Variants in NYAP2 observed in about 807,000 individuals in gnomAD.
NYAP2 encodes neuronal tyrosine-phosphorylated phosphoinositide-3-kinase adapter 2.
A neutral mutation model predicts 50.4 loss-of-function variants in NYAP2; 23 were observed. The observed-to-expected ratio is 0.46, with a 90% CI of 0.33 to 0.65. NYAP2 has a LOEUF of 0.65. NYAP2 is among the 30% of genes least tolerant of loss of function. The pLI is 0.02. For missense variants in NYAP2, 885 were observed against 861.0 expected, an observed-to-expected ratio of 1.03 and a Z score of -0.35; for synonymous variants, 394 against 365.2, an observed-to-expected ratio of 1.08 and a Z score of -0.90.
At chr2:225,444,934 C>T (rs1689527836) in intron 3 of NYAP2, among the ~76,000 whole-genome samples, 1 of 152,152 alleles carries the variant, frequency 6.6e-6, no homozygotes, top group Non-Finnish European at 1.5e-5. Flanking sequence ...CTTTTCTCCC[C>T]CTTTCCCTTA....
intron 5 of NYAP2, among the ~76,000 whole-genome samples, chr2:225,615,863 C>A (rs1270076458): frequency 6.6e-6 from 1 of 152,190 alleles, no homozygotes; most frequent in South Asian, 2.1e-4. Context: ...AGCAAAGGCC[C>A]TGTGCCTCCA....
chr2:225,402,070 A>T (rs1269547756), intron 2 of NYAP2, among the ~76,000 whole-genome samples: 1 of 152,086 alleles, frequency 6.6e-6, no homozygotes. Flanking sequence ...GTGGTCCACA[A>T]ATGCAGAAAT....
chr2:225,542,654 T>C (rs1034642782), intron 4 of NYAP2, among the ~76,000 whole-genome samples: 2 of 152,170 alleles, frequency 1.3e-5, no homozygotes, highest in African/African-American at 2.4e-5. Context: ...TTTTAATGTG[T>C]TGTTCAATTC....
At chr2:225,567,254 T>G (rs987048082) in intron 4 of NYAP2, among the ~76,000 whole-genome samples, 1 of 152,130 alleles carries the variant, frequency 6.6e-6, no homozygotes, top group Non-Finnish European at 1.5e-5. Flanking sequence ...CACAGTTGTA[T>G]ATGGGATCCA....
intron 4 of NYAP2, among the ~76,000 whole-genome samples, chr2:225,518,055 A>G (rs1250399541): frequency 2.6e-5 from 4 of 152,114 alleles, no homozygotes; most frequent in Non-Finnish European, 5.9e-5. Context: ...TAGCCAAGAT[A>G]TGGAATCAAC....
intron 4 of NYAP2, among the ~76,000 whole-genome samples, chr2:225,515,376 A>C (rs937850077): frequency 3.0e-4 from 46 of 152,300 alleles, no homozygotes; most frequent in African/African-American, 1.1e-3. Context: ...AACAGAGAGA[A>C]GTGTACAGCC....
At chr2:225,622,516 T>TTTA (rs1693124872) in intron 5 of NYAP2, among the ~76,000 whole-genome samples, 1 of 31,612 alleles carries the variant, frequency 3.2e-5, no homozygotes, top group South Asian at 3.0e-3. Flanking sequence ...CTTTCTTTCT[T>TTTA]TCTTCTTTCT....
Position 225,542,352 on chromosome 2 carries a change from T to C in NYAP2, c.523+28680T>C, listed in dbSNP as rs145624773. ...GGCCACCTTGTCATGTTCCAGATCT[T>C]TAGAGGAAAAGCTTTTAGATTGTCC... On this transcript the variant is annotated intron_variant, in intron 4 of 6. Coordinates refer to ENST00000636099, the Ensembl canonical transcript of NYAP2. Among the ~76,000 whole-genome samples, 159 of 152,244 alleles carry C rather than the reference T, an allele frequency of 1.0e-3. 1 individual carries two copies. Among genetic ancestry groups the C allele is most frequent in the African/African-American group, 3.6e-3 (151 of 41,564 alleles).
At chr2:225,659,004 G>A (rs1186978465), downstream of NYAP2, among the ~76,000 whole-genome samples, 1 of 152,156 alleles carries the variant, frequency 6.6e-6, no homozygotes. Flanking sequence ...CCATTATAGA[G>A]TGGAATAAAA....
intron 4 of NYAP2, among the ~76,000 whole-genome samples, chr2:225,578,152 C>T (rs1218264335): frequency 6.6e-6 from 1 of 151,950 alleles, no homozygotes; most frequent in African/African-American, 2.4e-5. Flanking sequence ...AGGCTGGTCT[C>T]GAACTCCTGA....
chr2:225,629,082 C>A (rs143538851), intron 6 of NYAP2, among the ~76,000 whole-genome samples: 59 of 152,264 alleles, frequency 3.9e-4, no homozygotes, highest in African/African-American at 1.4e-3. Context: ...TATCTGCTTT[C>A]TGCAAGCTGT....
At chr2:225,568,704 G>A (rs190992363) in intron 4 of NYAP2, among the ~76,000 whole-genome samples, 5 of 152,262 alleles carry the variant, frequency 3.3e-5, no homozygotes, top group African/African-American at 2.4e-5. Flanking sequence ...ACCTAAACTG[G>A]CACCAATAAG....
intron 3 of NYAP2, among the ~76,000 whole-genome samples, chr2:225,411,962 T>C (rs892667105): frequency 6.7e-6 from 1 of 149,770 alleles, no homozygotes; most frequent in Admixed American, 6.7e-5. Context: ...ATTTATTATT[T>C]CTAAATAAAT....
chr2:225,548,771 CTT>C (rs766559707), intron 4 of NYAP2, among the ~76,000 whole-genome samples: 2 of 152,170 alleles, frequency 1.3e-5, no homozygotes, highest in Non-Finnish European at 2.9e-5. Flanking sequence ...AACCTAATAA[CTT>C]TTCATTCTAA....
At chr2:225,692,820 T>C in the NYAP2 span, among the ~76,000 whole-genome samples, 1 of 151,820 alleles carries the variant, frequency 6.6e-6, no homozygotes, top group Non-Finnish European at 1.5e-5. Context: ...AAAGATACAG[T>C]TAAAATTAAG....
chr2:225,413,576 G>T (rs1443783950), intron 3 of NYAP2, among the ~76,000 whole-genome samples: 1 of 152,090 alleles, frequency 6.6e-6, no homozygotes, highest in Non-Finnish European at 1.5e-5. Context: ...TTGCTGCCAT[G>T]TTCTTAATTA....
At chr2:225,695,982 A>G in the NYAP2 span, among the ~76,000 whole-genome samples, 1 of 152,062 alleles carries the variant, frequency 6.6e-6, no homozygotes, top group African/African-American at 2.4e-5. Context: ...CTCCAAGTCC[A>G]AGCTAGTAAC....
At chr2:225,626,848 AT>A (rs1476248049) in intron 5 of NYAP2, 68 bp from the exon 6 acceptor site, 1 of 1,219,594 alleles carries the variant, frequency 8.2e-7, no homozygotes, top group African/African-American at 1.5e-5. Context: ...AATCACACTA[AT>A]TTTTTGAAAG....
At chr2:225,631,137 A>T (rs1354794136) in intron 6 of NYAP2, among the ~76,000 whole-genome samples, 1 of 152,238 alleles carries the variant, frequency 6.6e-6, no homozygotes, top group Non-Finnish European at 1.5e-5. Context: ...AAACAGTTAG[A>T]TAGTCCATAA....
Sources: gnomAD v4.1 joint callset for allele counts (sites outside exome capture counted in the v4.1 genomes callset) on GRCh38, gnomAD v4.1.1 for gene constraint, MANE v1.5 for transcripts, NCBI Gene and HGNC (gene_info 2026-07-23, HGNC 2026-07-21) for gene names.